Variants in PPL observed in about 807,000 individuals in gnomAD.
The protein encoded by PPL is periplakin.
Under a neutral mutation model 194.4 loss-of-function variants are expected in PPL, and 198 were observed. That is an observed-to-expected ratio of 1.02 (90% CI 0.91 to 1.15). The LOEUF is 1.15. Among genes scored for constraint, PPL ranks in the 50% most tolerant of loss-of-function variants. The probability of loss-of-function intolerance (pLI) is 0.00; values close to 1 mark genes in which losing one functional copy is unlikely to be tolerated. For synonymous variants in PPL, 1,220 were observed against 972.4 expected (o/e 1.25, Z -4.74); for missense variants, 2,885 against 2,294.8 (o/e 1.26, Z -5.25).
chr16:4,919,196 AG>A (rs2088987692), intron 1 of PPL, among the ~76,000 whole-genome samples: 1 of 152,210 alleles, frequency 6.6e-6, no homozygotes, highest in Non-Finnish European at 1.5e-5. Context: ...TGGCCCTCGA[AG>A]GGGCCTCAGA....
At chr16:4,928,861 T>A (rs1207520929) in intron 1 of PPL, among the ~76,000 whole-genome samples, 1 of 151,358 alleles carries the variant, frequency 6.6e-6, no homozygotes, top group Non-Finnish European at 1.5e-5. Flanking sequence ...AAATACAAAA[T>A]ATAGCCAGGC....
intron 2 of PPL, among the ~76,000 whole-genome samples, chr16:4,906,782 G>A (rs908038492): frequency 8.5e-5 from 13 of 152,176 alleles, no homozygotes; most frequent in African/African-American, 3.1e-4. Context: ...GACCCCTGAG[G>A]GATATCAACT....
chr16:4,883,341 G>C lies in PPL; in HGVS notation c.*43C>G. On this transcript the variant is annotated 3_prime_UTR_variant, in exon 22 of 22. Coordinates refer to ENST00000345988, the MANE Select transcript of PPL (RefSeq NM_002705.5). The surrounding 1 kb of genome is among the most constrained non-coding windows in gnomAD (Gnocchi z 4.8). Reference sequence around the variant, plus strand: ...CCAAGGAGGTCACTGCGTCGTAGGAGAGGGCCAGCGTCTGCCGTTACGAAG... The same window carrying C: ...CCAAGGAGGTCACTGCGTCGTAGGACAGGGCCAGCGTCTGCCGTTACGAAG... The C allele has an allele frequency of 6.2e-7, 1 of 1,609,304 alleles. No homozygotes were observed. Among genetic ancestry groups the C allele is most frequent in the Non-Finnish European group, 8.5e-7 (1 of 1,179,516 alleles).
At chr16:4,888,278 G>C in intron 19 of PPL, 60 bp from the exon 20 acceptor site, 2 of 1,267,176 alleles carry the variant, frequency 1.6e-6, no homozygotes, top group Non-Finnish European at 2.3e-6. Context: ...AGACAGACAT[G>C]TTCCTGTACC....
chr16:4,920,364 A>AAAGT (rs1341684692), intron 1 of PPL, among the ~76,000 whole-genome samples: 1 of 72,422 alleles, frequency 1.4e-5, no homozygotes. Context: ...AGAAAGAAAG[A>AAAGT]AAGAAAGGAC....
Position 4,901,052 on chromosome 16 carries a change from G to A in PPL, c.476C>T (p.Pro159Leu), listed in dbSNP as rs529740238. 71 of 1,614,172 alleles carry A rather than the reference G, an allele frequency of 4.4e-5. No individual in the cohort carries two copies. The South Asian group carries it at 6.0e-4, about 14-fold the overall frequency. ...LNNQSFGTDL[P>L]LVDHQVEEHN... ...CTCCTCCACTTGGTGGTCCACCAGCGGCAGGTCAGTCCCAAAGCTCTGGTT... is the reference window on the plus strand; with the variant it reads ...CTCCTCCACTTGGTGGTCCACCAGCAGCAGGTCAGTCCCAAAGCTCTGGTT... Residue 159 changes from proline to leucine, a missense_variant, in exon 5 of 22, where the codon CCG becomes CTG. Coordinates refer to ENST00000345988, the MANE Select transcript of PPL (RefSeq NM_002705.5).
rs2088307722 is a variant in PPL, at chr16:4,890,883, C to T, written c.2007G>A (p.Leu669=). The T allele has an allele frequency of 3.2e-6, 5 of 1,543,068 alleles. No homozygotes were observed. Among genetic ancestry groups the T allele is most frequent in the Admixed American group, 2.0e-5 (1 of 50,754 alleles). Residue 669 remains leucine (L), a synonymous_variant, in exon 17 of 22, where the codon CTG becomes CTA. Transcript: ENST00000345988. The part of the protein sequence containing the change: ...ACELQAQKSL[L]GEVEQNLQAA... ...CCTGCAAGTTCTGCTCCACCTCACC[C>T]AGGAGGGACTTCTGGGCCTGTAACT... is the stretch of plus-strand genomic sequence containing the variant.
chr16:4,915,248 G>A (rs992479972), intron 1 of PPL, among the ~76,000 whole-genome samples: 2 of 152,226 alleles, frequency 1.3e-5, no homozygotes, highest in South Asian at 2.1e-4. Context: ...TTGGACTCCT[G>A]ATGGGACAAA....
intron 2 of PPL, among the ~76,000 whole-genome samples, chr16:4,910,335 T>G (rs1485370320): frequency 2.0e-5 from 3 of 152,186 alleles, no homozygotes; most frequent in African/African-American, 2.4e-5. Context: ...ACCTGCATAA[T>G]CTCATTTAAT....
rs555856065 is a variant in PPL at position 4,929,719 on chromosome 16, C to T, written c.62+7265G>A. On this transcript the variant is annotated intron_variant, in intron 1 of 21. Transcript: ENST00000345988. Reference sequence around the variant, plus strand: ...TTATTTATTTAGAGACAGGGTCTTGCTCTGTTGCCCAGGCTGGAGTGCAGT... The same window carrying T: ...TTATTTATTTAGAGACAGGGTCTTGTTCTGTTGCCCAGGCTGGAGTGCAGT... Among the ~76,000 whole-genome samples the T allele has an allele frequency of 6.6e-5, 10 of 152,264 alleles. No homozygotes were observed. The South Asian group carries it at 2.1e-3, about 32-fold the overall frequency.
rs1335747007 is a variant in PPL at position 4,890,845 on chromosome 16, C to T, written c.2045G>A (p.Cys682Tyr). The T allele has an allele frequency of 1.3e-6, 2 of 1,568,418 alleles. No homozygotes were observed. Among genetic ancestry groups the T allele is most frequent in the African/African-American group, 1.4e-5 (1 of 73,760 alleles). ...GAAGCGGCTGGCCAGTGTGCTCGAGCACTGCTTGGCCGCCTGCAAGTTCTG... is the reference window on the plus strand; with the variant it reads ...GAAGCGGCTGGCCAGTGTGCTCGAGTACTGCTTGGCCGCCTGCAAGTTCTG... ...VEQNLQAAKQ[C>Y]SSTLASRFQE... Residue 682 changes from cysteine to tyrosine, a missense_variant, in exon 17 of 22, where the codon TGC (cysteine) becomes TAC (tyrosine). Coordinates refer to ENST00000345988, the MANE Select transcript of PPL (RefSeq NM_002705.5).
intron 1 of PPL, among the ~76,000 whole-genome samples, chr16:4,918,256 A>G (rs968493698): frequency 2.9e-4 from 43 of 150,370 alleles, no homozygotes; most frequent in Middle Eastern, 3.5e-3. Context: ...TTGCACCACT[A>G]CACTCCAGCC....
chr16:4,906,768 G>A (rs148268763), intron 2 of PPL, among the ~76,000 whole-genome samples: 1,688 of 152,240 alleles, frequency 0.011, 17 homozygotes, highest in Middle Eastern at 0.027. Context: ...ATCAGCATAG[G>A]GTTGACCCCT....
intron 6 of PPL, among the ~76,000 whole-genome samples, chr16:4,900,588 C>T (rs1035454356): frequency 1.3e-5 from 2 of 151,702 alleles, no homozygotes; most frequent in Admixed American, 1.3e-4. Flanking sequence ...CACAGGCATG[C>T]CACCAAGCCC....
At chr16:4,903,104 C>A (rs143933870) in intron 3 of PPL, among the ~76,000 whole-genome samples, 1 of 152,290 alleles carries the variant, frequency 6.6e-6, no homozygotes, top group East Asian at 1.9e-4. Context: ...TGGAGTCTGC[C>A]ATCCAGCAGG....
At chr16:4,932,194 G>A (rs2089233262) in intron 1 of PPL, among the ~76,000 whole-genome samples, 1 of 151,748 alleles carries the variant, frequency 6.6e-6, no homozygotes, top group African/African-American at 2.4e-5. Context: ...CACCTGCATG[G>A]CAGGCCCGCT....
At chr16:4,934,641 G>T (rs1008144617) in intron 1 of PPL, among the ~76,000 whole-genome samples, 6 of 152,064 alleles carry the variant, frequency 3.9e-5, no homozygotes, top group African/African-American at 1.4e-4. Context: ...TCCTCCCCCA[G>T]ACAATGGAGC....
chr16:4,894,460 C>T lies in PPL; in HGVS notation c.1394+7G>A. ...GTCCATGCAGACTCCCGCCTTTGCC[C>T]TTGTACCTGTCAGCCAGAGCCAGGG... On this transcript the variant is annotated splice_region_variant and intron_variant, in intron 12 of 21. Coordinates refer to ENST00000345988, the MANE Select transcript of PPL (RefSeq NM_002705.5). The T allele has an allele frequency of 6.2e-7, 1 of 1,613,712 alleles. No individual in the cohort carries two copies. The highest frequency in any genetic ancestry group is 8.5e-7 in the Non-Finnish European group (1 of 1,179,914).
Position 4,897,768 on chromosome 16 carries a change from C to A in PPL, c.879G>T (p.Ala293=), listed in dbSNP as rs752651635. 1 of 1,613,316 alleles carries A rather than the reference C, an allele frequency of 6.2e-7. No individual in the cohort carries two copies. The highest frequency in any genetic ancestry group is 8.5e-7 in the Non-Finnish European group (1 of 1,179,686). The change falls in exon 9 of 22, where the codon GCG becomes GCT. Residue 293 remains alanine (A), a splice_region_variant and synonymous_variant. Coordinates refer to ENST00000345988, the MANE Select transcript of PPL (RefSeq NM_002705.5). ...AEHPGRNSIE[A]HMEAVHADWK... ...AGTCTGCGTGCACAGCCTCCATGTG[C>A]GCCTGCCAGGAAGAGAAGGGGCCGG...
Sources: gnomAD v4.1 joint callset for allele counts (sites outside exome capture counted in the v4.1 genomes callset) on GRCh38, gnomAD v4.1.1 for gene constraint, Gnocchi (gnomAD v3.1) non-coding constraint, MANE v1.5 for transcripts, NCBI Gene and HGNC (gene_info 2026-07-23, HGNC 2026-07-21) for gene names.